Variants in RC3H1 observed in about 807,000 individuals in gnomAD.
RC3H1 encodes ring finger and CCCH-type domains 1.
RC3H1 carries 50 observed loss-of-function variants against 138.2 expected under a neutral mutation model. That is an observed-to-expected ratio of 0.36 (90% CI 0.29 to 0.46). The LOEUF (loss-of-function observed/expected upper bound fraction) is 0.46, where lower values mean the gene tolerates loss of function less well. Ranked by LOEUF, RC3H1 falls within the 20% of genes least tolerant of loss-of-function variation. The pLI is 1.00. For synonymous variants in RC3H1, 462 were observed against 489.1 expected (o/e 0.94, Z 0.73); for missense variants, 1,031 against 1,388.1 (o/e 0.74, Z 4.09).
chr1:174,017,783 C>CAA (rs61239660), intron 1 of RC3H1, among the ~76,000 whole-genome samples: 3,448 of 71,864 alleles, frequency 0.048, 398 homozygotes, highest in African/African-American at 0.1. Flanking sequence ...TTTTCTTGCT[C>CAA]AAAAAAAAAA....
chr1:173,986,795 C>T (rs564279521), intron 2 of RC3H1, among the ~76,000 whole-genome samples: 1 of 152,326 alleles, frequency 6.6e-6, no homozygotes, highest in South Asian at 2.1e-4. Flanking sequence ...AACTCCTGGC[C>T]TCAAGTGATC....
intron 1 of RC3H1, among the ~76,000 whole-genome samples, chr1:174,020,428 T>C (rs1277763969): frequency 1.3e-5 from 2 of 152,178 alleles, no homozygotes; most frequent in Admixed American, 1.3e-4. Flanking sequence ...TAGTGCTGCT[T>C]ATAATGTTTT....
At position 173,941,283 on chromosome 1, in the gene RC3H1, TCCTCAGCCGGA is replaced by T. The variant is rs1658848699; in HGVS notation, c.3222_3232del (p.Ala1076TyrfsTer6). 2 of 1,611,700 alleles carry T rather than the reference TCCTCAGCCGGA, an allele frequency of 1.2e-6. No homozygotes were observed. The highest frequency in any genetic ancestry group is 1.7e-6 in the Non-Finnish European group (2 of 1,178,020). On this transcript the variant is annotated frameshift_variant, in exon 19 of 20. Transcript: ENST00000367696. LOFTEE classifies it high-confidence loss of function. ...TCTTTACCTGAATGTCAATGTAAGG[TCCTCAGCCGGA>T]ACCTTGTTTTGTGGTTCTGGTTGTC... is the stretch of plus-strand genomic sequence containing the variant.
At chr1:173,999,109 T>C (rs762516481) in intron 1 of RC3H1, among the ~76,000 whole-genome samples, 8 of 148,910 alleles carry the variant, frequency 5.4e-5, no homozygotes, top group Non-Finnish European at 8.9e-5. Flanking sequence ...AAAAAAACTG[T>C]TGGGCGTGGT....
intron 1 of RC3H1, among the ~76,000 whole-genome samples, chr1:174,010,002 G>A (rs921138515): frequency 1.3e-5 from 2 of 152,080 alleles, no homozygotes; most frequent in South Asian, 4.1e-4. Flanking sequence ...GAGATGTTAG[G>A]TAATATGATG....
At chr1:173,985,491 G>A (rs1280093636) in intron 2 of RC3H1, among the ~76,000 whole-genome samples, 1 of 106,404 alleles carries the variant, frequency 9.4e-6, no homozygotes, top group Non-Finnish European at 1.7e-5. Context: ...ATCCTGTTGG[G>A]TGAAAAGTAG....
chr1:173,965,187 CTTAATA>C, intron 9 of RC3H1, 67 bp from the exon 10 acceptor site: 1 of 1,340,948 alleles, frequency 7.5e-7, no homozygotes, highest in Non-Finnish European at 1.0e-6. Context: ...CTAAAATGTA[CTTAATA>C]TTATTTTCTA....
intron 14 of RC3H1, among the ~76,000 whole-genome samples, chr1:173,948,225 G>A (rs1461291178): frequency 6.6e-6 from 1 of 152,132 alleles, no homozygotes; most frequent in African/African-American, 2.4e-5. Flanking sequence ...TCAATCATAA[G>A]AGGACCACTC....
chr1:173,973,104 T>C (rs529064070), intron 7 of RC3H1, among the ~76,000 whole-genome samples: 15 of 152,232 alleles, frequency 9.9e-5, no homozygotes, highest in Non-Finnish European at 2.1e-4. Context: ...TTTTAAAATA[T>C]TGGCATCTAA....
At position 173,987,963 on chromosome 1, in the gene RC3H1, C is replaced by G. The variant is rs537664647; in HGVS notation, c.232-3344G>C. Among the ~76,000 whole-genome samples the G allele has an allele frequency of 1.9e-3, 290 of 152,262 alleles. 4 individuals carry two copies. Among genetic ancestry groups the G allele is most frequent in the South Asian group, 4.1e-3 (20 of 4,820 alleles). On this transcript the variant is annotated intron_variant, in intron 2 of 19. Coordinates refer to ENST00000367696, the MANE Select transcript of RC3H1 (RefSeq NM_172071.4). ...TCAATTCTAATATGTATTATACATA[C>G]AGCAGTATCAGAATTAATTCGTACC... is the stretch of plus-strand genomic sequence containing the variant.
intron 1 of RC3H1, among the ~76,000 whole-genome samples, chr1:174,011,512 A>G (rs554160462): frequency 6.6e-6 from 1 of 152,152 alleles, no homozygotes; most frequent in Admixed American, 6.5e-5. Context: ...TTTCAAGTAC[A>G]GTACTTGAAT....
intron 1 of RC3H1, among the ~76,000 whole-genome samples, chr1:174,015,593 C>T (rs1473662508): frequency 2.0e-5 from 3 of 151,768 alleles, no homozygotes; most frequent in Non-Finnish European, 4.4e-5. Flanking sequence ...TCTTCGACTC[C>T]TGACCTTGTG....
At chr1:173,990,659 G>A (rs1328753247) in intron 2 of RC3H1, among the ~76,000 whole-genome samples, 19 of 150,332 alleles carry the variant, frequency 1.3e-4, no homozygotes, top group Non-Finnish European at 7.4e-5. Context: ...TGCAAGCTCC[G>A]CCTCCCGGGT....
At chr1:174,000,444 CA>C (rs572188478) in intron 1 of RC3H1, among the ~76,000 whole-genome samples, 124 of 152,320 alleles carry the variant, frequency 8.1e-4, no homozygotes, top group African/African-American at 2.7e-3. Flanking sequence ...GCCCATTTTA[CA>C]GAAGATAACT....
At chr1:173,964,737 A>C (rs547440638) in intron 10 of RC3H1, 102 bp downstream of exon 10, 238 of 1,177,528 alleles carry the variant, frequency 2.0e-4, no homozygotes, top group Non-Finnish European at 2.7e-4. Context: ...CAAAAAAAAT[A>C]ATCAGGGTTT....
At chr1:173,990,800 C>T (rs1289890525) in intron 2 of RC3H1, among the ~76,000 whole-genome samples, 1 of 151,950 alleles carries the variant, frequency 6.6e-6, no homozygotes, top group African/African-American at 2.4e-5. Context: ...GACAGGGTTT[C>T]ACTGTGTTAG....
Position 173,983,443 on chromosome 1 carries a change from AG to A in RC3H1, c.566del (p.Ala189ValfsTer16). 6.2e-7 allele frequency: 1 copy of A among 1,614,212 alleles called. No individual in the cohort carries two copies. The highest frequency in any genetic ancestry group is 8.5e-7 in the Non-Finnish European group (1 of 1,180,030). On this transcript the variant is annotated frameshift_variant, in exon 4 of 20. Coordinates refer to ENST00000367696, the MANE Select transcript of RC3H1 (RefSeq NM_172071.4). LOFTEE classifies it high-confidence loss of function. ...CTGGTCCAAGGAACTGGCATCCCCTAGCCCTTACTGCTGCCCAAAGATTGGA... is the reference window on the plus strand; with the variant it reads ...CTGGTCCAAGGAACTGGCATCCCCTACCCTTACTGCTGCCCAAAGATTGGA... ...LSSNLWAAVRARGCQFLGPAM... is the reference protein window; with the variant it reads ...LSSNLWAAVRXRGCQFLGPAM...
At chr1:174,003,030 C>T (rs1445685657) in intron 1 of RC3H1, among the ~76,000 whole-genome samples, 1 of 152,146 alleles carries the variant, frequency 6.6e-6, no homozygotes, top group East Asian at 1.9e-4. Context: ...TGTTCATCTC[C>T]TCCCCACCAA....
In RC3H1 at chr1:173,941,940, G is replaced by GA. The variant is rs57487234; in HGVS notation, c.3136-561dup. On this transcript the variant is annotated intron_variant, in intron 18 of 19. Coordinates refer to ENST00000367696, the MANE Select transcript of RC3H1 (RefSeq NM_172071.4). ...GAGTGAGACTCCCTCTCAAAAAAAG[G>GA]AAAAAAAAAAAAAAAAGGCTAGGCA... Among the ~76,000 whole-genome samples the GA allele has an allele frequency of 4.2e-3, 409 of 98,132 alleles. 1 individual carries two copies. The highest frequency in any genetic ancestry group is 5.0e-3 in the Non-Finnish European group (219 of 43,514). 64.4% of individuals were successfully genotyped at this position (98,132 alleles called of 152,430 possible).
Sources: allele counts gnomAD v4.1 joint callset (sites outside exome capture counted in the v4.1 genomes callset), GRCh38; gene constraint gnomAD v4.1.1; transcripts MANE v1.5; gene names NCBI Gene and HGNC (gene_info 2026-07-23, HGNC 2026-07-21).